The following STK32B variants were observed in gnomAD, a reference collection of about 807,000 sequenced individuals.
STK32B encodes serine/threonine-protein kinase 32B.
STK32B carries 43 observed loss-of-function variants against 52.6 expected under a neutral mutation model. That is an observed-to-expected ratio of 0.82 (90% confidence interval 0.64 to 1.05). The LOEUF (loss-of-function observed/expected upper bound fraction) is 1.05. STK32B is among the 50% of genes least tolerant of loss of function. STK32B has a pLI of 0.00. For synonymous variants in STK32B, 238 were observed against 204.3 expected, an observed-to-expected ratio of 1.17 and a Z score of -1.41; for missense variants, 621 against 534.6, an observed-to-expected ratio of 1.16 and a Z score of -1.59.
chr4:5,274,165 C>G (rs1225268222), intron 3 of STK32B, among the ~76,000 whole-genome samples: 1 of 151,920 alleles, frequency 6.6e-6, no homozygotes, highest in Non-Finnish European at 1.5e-5. Flanking sequence ...ATGCAAAAGA[C>G]CTGGAATAGC....
At chr4:5,113,862 A>G (rs1424028357) in intron 1 of STK32B, among the ~76,000 whole-genome samples, 1 of 152,160 alleles carries the variant, frequency 6.6e-6, no homozygotes, top group Non-Finnish European at 1.5e-5. Context: ...GGCAAGGAGG[A>G]CCGAATCACA....
chr4:5,438,038 C>T (rs2109102632), intron 6 of STK32B: 1 of 985,574 alleles, frequency 1.0e-6, no homozygotes, highest in South Asian at 4.7e-5. Context: ...GCTGCTTCTA[C>T]CCTGAGTTCT....
intron 6 of STK32B, among the ~76,000 whole-genome samples, chr4:5,446,246 A>G (rs1284660396): frequency 7.2e-5 from 11 of 152,214 alleles, no homozygotes; most frequent in African/African-American, 2.7e-4. Flanking sequence ...CATAGTGAAA[A>G]AAGTACAGGT....
intron 1 of STK32B, among the ~76,000 whole-genome samples, chr4:5,082,815 T>A (rs1400851251): frequency 3.9e-5 from 6 of 152,214 alleles, no homozygotes; most frequent in Non-Finnish European, 8.8e-5. Flanking sequence ...TGAGAACCAA[T>A]GTTAAATTTT....
At chr4:5,099,190 C>G (rs371012845) in intron 1 of STK32B, among the ~76,000 whole-genome samples, 3 of 152,276 alleles carry the variant, frequency 2.0e-5, no homozygotes, top group East Asian at 1.9e-4. Flanking sequence ...CACCCCATCA[C>G]GCTGACTCAG....
intron 2 of STK32B, among the ~76,000 whole-genome samples, chr4:5,156,530 C>T (rs868689114): frequency 8.5e-5 from 13 of 152,156 alleles, no homozygotes; most frequent in African/African-American, 2.7e-4. Context: ...CCAGCAGGAG[C>T]GTCCACGGTG....
intron 3 of STK32B, among the ~76,000 whole-genome samples, chr4:5,254,168 T>A (rs1242223588): frequency 6.6e-6 from 1 of 152,226 alleles, no homozygotes; most frequent in Non-Finnish European, 1.5e-5. Flanking sequence ...TTTTCTAGAA[T>A]TTTTAAATTT....
intron 11 of STK32B, among the ~76,000 whole-genome samples, chr4:5,478,454 C>G (rs1718405431): frequency 6.6e-6 from 1 of 152,328 alleles, no homozygotes; most frequent in East Asian, 1.9e-4. Context: ...GCTGATAAGA[C>G]TGGCAGAACT....
rs139512086 is a variant in STK32B at position 5,175,441 on chromosome 4, C to A, written c.260+6991C>A. 2.6e-3 allele frequency among the ~76,000 whole-genome samples: 392 copies of A among 152,224 alleles called. 6 individuals carry two copies. The East Asian group carries it at 0.053, about 20-fold the overall frequency. On this transcript the variant is annotated intron_variant, in intron 3 of 11. Transcript: ENST00000282908. Reference sequence around the variant, plus strand: ...TTCCTCATCTTTTTGGTTTTATCTACCTTTGGTCTTTGACGATGGTGATGT... The same window carrying A: ...TTCCTCATCTTTTTGGTTTTATCTAACTTTGGTCTTTGACGATGGTGATGT...
chr4:5,262,385 G>A (rs7695030), intron 3 of STK32B, among the ~76,000 whole-genome samples: 17,403 of 151,922 alleles, frequency 0.11, 2,727 homozygotes, highest in African/African-American at 0.36. Flanking sequence ...CCAGCACTTT[G>A]GGAGGCCGAG....
chr4:5,359,701 A>G (rs1290637000), intron 4 of STK32B, among the ~76,000 whole-genome samples: 1 of 152,152 alleles, frequency 6.6e-6, no homozygotes, highest in East Asian at 1.9e-4. Context: ...AAAGAGCTGG[A>G]GGAACTGAGG....
chr4:5,122,279 C>G (rs770137569), intron 1 of STK32B, among the ~76,000 whole-genome samples: 7 of 152,136 alleles, frequency 4.6e-5, no homozygotes, highest in Non-Finnish European at 1.0e-4. Flanking sequence ...TTCATTCACT[C>G]ACCCATTCAC....
chr4:5,472,712 T>C (rs547897902), intron 11 of STK32B, among the ~76,000 whole-genome samples: 7 of 152,362 alleles, frequency 4.6e-5, no homozygotes, highest in South Asian at 4.1e-4. Flanking sequence ...ATATAAAAGC[T>C]ACCCCTGGAG....
chr4:5,416,972 C>A, intron 6 of STK32B, 38 bp downstream of exon 6: 1 of 1,563,546 alleles, frequency 6.4e-7, no homozygotes, highest in Non-Finnish European at 8.7e-7. Context: ...TGTGATCGGG[C>A]TCACTGCCTA....
At chr4:5,484,346 C>T (rs1718970407) in intron 11 of STK32B, among the ~76,000 whole-genome samples, 3 of 152,250 alleles carry the variant, frequency 2.0e-5, no homozygotes, top group East Asian at 1.9e-4. Flanking sequence ...TATGTAATGG[C>T]CTTCTTTGTC....
chr4:5,132,780 A>T (rs1486999164), intron 1 of STK32B, among the ~76,000 whole-genome samples: 1 of 151,650 alleles, frequency 6.6e-6, no homozygotes, highest in East Asian at 1.9e-4. Context: ...ATTTACTTTC[A>T]TTCATAGAAT....
chr4:5,039,352 T>C, the STK32B span, among the ~76,000 whole-genome samples: 1 of 152,222 alleles, frequency 6.6e-6, no homozygotes, highest in Non-Finnish European at 1.5e-5. Context: ...TAAAAATTTC[T>C]TTAGAACTTT....
At chr4:5,189,291 C>T (rs746483457) in intron 3 of STK32B, among the ~76,000 whole-genome samples, 4 of 152,176 alleles carry the variant, frequency 2.6e-5, no homozygotes, top group Non-Finnish European at 5.9e-5. Context: ...TGCTCTAAAA[C>T]CCTCTGTGAT....
At chr4:5,359,538 C>T (rs1175152059) in intron 4 of STK32B, among the ~76,000 whole-genome samples, 1 of 152,080 alleles carries the variant, frequency 6.6e-6, no homozygotes, top group African/African-American at 2.4e-5. Context: ...GGGAGGCAAA[C>T]AACAAAGAAA....
Sources: allele counts gnomAD v4.1 joint callset (sites outside exome capture counted in the v4.1 genomes callset), GRCh38; gene constraint gnomAD v4.1.1; transcripts MANE v1.5; gene names NCBI Gene and HGNC (gene_info 2026-07-23, HGNC 2026-07-21).